MITF: variants seen among roughly 807,000 people sequenced by gnomAD.
MITF encodes the protein microphthalmia-associated transcription factor.
In MITF, 17 loss-of-function variants were observed where a neutral mutation model predicts 60.5. That is an observed-to-expected ratio of 0.28 (90% CI 0.19 to 0.42). MITF has a LOEUF of 0.42. MITF is among the 10% of genes least tolerant of loss of function. The pLI, the probability that MITF is intolerant of heterozygous loss-of-function variation, is 1.00. For missense variants in MITF, 622 were observed against 683.5 expected, an observed-to-expected ratio of 0.91 and a Z score of 1.00; for synonymous variants, 260 against 248.5, an observed-to-expected ratio of 1.05 and a Z score of -0.43.
intron 1 of MITF, among the ~76,000 whole-genome samples, chr3:69,792,858 T>C (rs1168104801): frequency 6.6e-6 from 1 of 152,096 alleles, no homozygotes; most frequent in African/African-American, 2.4e-5. Flanking sequence ...AAAGATAGCA[T>C]TGCATATTTT....
intron 1 of MITF, among the ~76,000 whole-genome samples, chr3:69,787,269 C>T (rs907096061): frequency 3.3e-4 from 50 of 152,102 alleles, no homozygotes; most frequent in African/African-American, 1.2e-3. Flanking sequence ...CTGAACTTCA[C>T]CAAAGGAAGT....
chr3:69,770,285 C>T (rs1465899528), intron 1 of MITF, among the ~76,000 whole-genome samples: 1 of 151,816 alleles, frequency 6.6e-6, no homozygotes, highest in East Asian at 1.9e-4. Flanking sequence ...GTTGCTTTTA[C>T]CTAAAGGGAA....
chr3:69,765,760 T>C (rs1195226317), intron 1 of MITF, among the ~76,000 whole-genome samples: 5 of 152,222 alleles, frequency 3.3e-5, no homozygotes, highest in African/African-American at 1.2e-4. Flanking sequence ...AGCACTGATT[T>C]GCATTGCTGA....
At chr3:69,848,824 TCCC>T (rs1298865604) in intron 1 of MITF, among the ~76,000 whole-genome samples, 1 of 151,948 alleles carries the variant, frequency 6.6e-6, no homozygotes, top group East Asian at 1.9e-4. Context: ...TCTATAATTT[TCCC>T]CCCTTCTCTA....
intron 1 of MITF, among the ~76,000 whole-genome samples, chr3:69,756,903 A>T (rs1180778329): frequency 6.6e-6 from 1 of 152,072 alleles, no homozygotes; most frequent in African/African-American, 2.4e-5. Context: ...ATCTTTTTTA[A>T]ATATGTTTGT....
chr3:69,909,673 G>C (rs1451769444), intron 2 of MITF, among the ~76,000 whole-genome samples: 1 of 152,176 alleles, frequency 6.6e-6, no homozygotes, highest in Admixed American at 6.5e-5. Flanking sequence ...TTATGTTTTA[G>C]CAAATAGACT....
At chr3:69,841,560 G>A (rs12494413) in intron 1 of MITF, among the ~76,000 whole-genome samples, 4 of 152,308 alleles carry the variant, frequency 2.6e-5, no homozygotes, top group Admixed American at 2.6e-4. Flanking sequence ...TTGCAGCTGT[G>A]CCAAATTTGG....
chr3:69,826,641 T>C (rs1344397803), intron 1 of MITF, among the ~76,000 whole-genome samples: 3 of 152,196 alleles, frequency 2.0e-5, no homozygotes, highest in Admixed American at 1.3e-4. Context: ...TAGTTCTTTA[T>C]GTTCATGAGC....
At chr3:69,761,336 A>T (rs2062209277) in intron 1 of MITF, among the ~76,000 whole-genome samples, 1 of 152,190 alleles carries the variant, frequency 6.6e-6, no homozygotes, top group Non-Finnish European at 1.5e-5. Context: ...TGAGGTAGAT[A>T]GGATCCCATT....
intron 2 of MITF, among the ~76,000 whole-genome samples, chr3:69,883,636 G>A (rs1334321213): frequency 6.6e-6 from 1 of 152,126 alleles, no homozygotes; most frequent in Non-Finnish European, 1.5e-5. Flanking sequence ...CTTAGATTTT[G>A]TTTCTGGTTT....
intron 1 of MITF, among the ~76,000 whole-genome samples, chr3:69,856,772 CT>C (rs905382484): frequency 4.9e-4 from 75 of 151,538 alleles, no homozygotes; most frequent in African/African-American, 1.8e-3. Context: ...TGTTGGGTTA[CT>C]TTTTTTTTCT....
At chr3:69,835,671 C>A (rs1380574058) in intron 1 of MITF, among the ~76,000 whole-genome samples, 2 of 152,030 alleles carry the variant, frequency 1.3e-5, no homozygotes, top group Non-Finnish European at 2.9e-5. Flanking sequence ...GAGGTAGGGG[C>A]CTAGTCTCAT....
chr3:69,919,286 T>A (rs961821904), intron 2 of MITF, among the ~76,000 whole-genome samples: 12 of 152,238 alleles, frequency 7.9e-5, no homozygotes, highest in Non-Finnish European at 4.4e-5. Flanking sequence ...TCTGCACTTA[T>A]TTGTCATGGG....
chr3:69,949,089 C>A lies in MITF; in HGVS notation c.801C>A (p.Asn267Lys), dbSNP rs745758770. Reference sequence around the variant, plus strand: ...GAAACTTGATTGATCTTTATGGAAACCAAGGTCTGCCCCCACCAGGCCTCA... The same window carrying A: ...GAAACTTGATTGATCTTTATGGAAAACAAGGTCTGCCCCCACCAGGCCTCA... ...VSGNLIDLYGNQGLPPPGLTI... is the reference protein window; with the variant it reads ...VSGNLIDLYGKQGLPPPGLTI... The change falls in exon 6 of 10, where the codon AAC becomes AAA. Residue 267 changes from asparagine to lysine, a missense_variant. By Grantham distance (94) the Asn-to-Lys change is moderately conservative. Around this residue, in one of 5 missense-constraint regions of MITF, gnomAD observed 215 missense variants for 224.8 expected, o/e 0.96. Coordinates refer to ENST00000352241, the MANE Select transcript of MITF (RefSeq NM_001354604.2). 6.2e-7 allele frequency: 1 copy of A among 1,613,700 alleles called. No homozygotes were observed. Among genetic ancestry groups the A allele is most frequent in the Non-Finnish European group, 8.5e-7 (1 of 1,179,844 alleles).
At chr3:69,765,136 C>T (rs1446623284) in intron 1 of MITF, among the ~76,000 whole-genome samples, 1 of 152,158 alleles carries the variant, frequency 6.6e-6, no homozygotes, top group Non-Finnish European at 1.5e-5. Context: ...TTCCCACTTT[C>T]CTCTGGTGGC....
At chr3:69,959,225 T>G in intron 8 of MITF, 48 bp from the exon 9 acceptor site, 1 of 1,607,608 alleles carries the variant, frequency 6.2e-7, no homozygotes, top group African/African-American at 1.3e-5. Context: ...GAATTTTCAT[T>G]GAGCCTCAAA....
intron 2 of MITF, 44 bp from the exon 3 acceptor site, chr3:69,937,778 C>A (rs754728834): frequency 6.4e-7 from 1 of 1,553,658 alleles, no homozygotes; most frequent in South Asian, 1.1e-5. Context: ...CTGAAACTCA[C>A]AAATAACAGC....
At chr3:69,888,997 G>T (rs140432504) in intron 2 of MITF, among the ~76,000 whole-genome samples, 34 of 137,716 alleles carry the variant, frequency 2.5e-4, no homozygotes, top group African/African-American at 8.6e-4. Flanking sequence ...CCTTCGTCTG[G>T]TAAGACAGGC....
intron 1 of MITF, among the ~76,000 whole-genome samples, chr3:69,804,032 C>G (rs1017953910): frequency 1.3e-5 from 2 of 152,058 alleles, no homozygotes; most frequent in African/African-American, 4.8e-5. Context: ...GAAGAACTTG[C>G]GGTTGAACAC....
Sources: allele counts gnomAD v4.1 joint callset (sites outside exome capture counted in the v4.1 genomes callset), GRCh38; gene constraint gnomAD v4.1.1; regional missense constraint gnomAD v4.1.1; transcripts MANE v1.5; gene names NCBI Gene and HGNC (gene_info 2026-07-23, HGNC 2026-07-21).